The following MAST4 variants were observed in gnomAD, a reference collection of about 807,000 sequenced individuals.
The protein encoded by MAST4 is microtubule-associated serine/threonine-protein kinase 4.
MAST4 carries 89 observed loss-of-function variants against 162.7 expected under a neutral mutation model. The ratio of observed to expected loss-of-function variants is 0.55; its 90% CI spans 0.46 to 0.65. MAST4 has a LOEUF of 0.65. Ranked by LOEUF, MAST4 falls within the 30% of genes least tolerant of loss-of-function variation. MAST4 has a pLI of 0.00. For missense variants in MAST4, 3,153 were observed against 3,374.0 expected (o/e 0.93, Z 1.62); for synonymous variants, 1,479 against 1,361.1 (o/e 1.09, Z -1.91).
intron 4 of MAST4, among the ~76,000 whole-genome samples, chr5:66,904,539 G>A (rs2149991813): frequency 6.6e-6 from 1 of 152,252 alleles, no homozygotes; most frequent in African/African-American, 2.4e-5. Context: ...ATAAGCCGTG[G>A]TGCATTGTTT....
chr5:66,829,905 A>AGAAGTTGG (rs1757487916), intron 3 of MAST4, among the ~76,000 whole-genome samples: 1 of 152,162 alleles, frequency 6.6e-6, no homozygotes, highest in South Asian at 2.1e-4. Context: ...GAGGGATTAG[A>AGAAGTTGG]GAAGTTGGGG....
intron 3 of MAST4, among the ~76,000 whole-genome samples, chr5:66,893,435 C>A (rs1008277434): frequency 2.0e-5 from 3 of 151,522 alleles, no homozygotes; most frequent in Non-Finnish European, 4.4e-5. Flanking sequence ...ACCGTTTTGG[C>A]CAGGCTGGTC....
At chr5:66,758,284 G>A (rs1753665650) in intron 1 of MAST4, among the ~76,000 whole-genome samples, 1 of 151,944 alleles carries the variant, frequency 6.6e-6, no homozygotes, top group African/African-American at 2.4e-5. Context: ...CAGCTAAGCC[G>A]ATGAGGTCTG....
intron 1 of MAST4, among the ~76,000 whole-genome samples, chr5:66,677,688 G>A (rs182108854): frequency 7.2e-5 from 11 of 152,240 alleles, no homozygotes; most frequent in African/African-American, 2.4e-4. Context: ...GAATGTTCCC[G>A]AAGAAGTGAT....
At chr5:67,089,940 T>A (rs937046392) in intron 5 of MAST4, among the ~76,000 whole-genome samples, 4 of 152,176 alleles carry the variant, frequency 2.6e-5, no homozygotes, top group African/African-American at 9.7e-5. Flanking sequence ...TATTCATGTG[T>A]CTTGCACACT....
chr5:66,895,014 C>G (rs1348210517), intron 3 of MAST4, among the ~76,000 whole-genome samples: 1 of 152,176 alleles, frequency 6.6e-6, no homozygotes, highest in Non-Finnish European at 1.5e-5. Context: ...TGAGCTCCCA[C>G]TCAGTGTTCA....
At chr5:66,798,325 A>G (rs144118645) in intron 3 of MAST4, among the ~76,000 whole-genome samples, 2 of 152,316 alleles carry the variant, frequency 1.3e-5, no homozygotes, top group African/African-American at 4.8e-5. Flanking sequence ...AAAGTCTTCA[A>G]TAATGAGTGC....
chr5:66,943,385 A>G (rs1743591782), intron 4 of MAST4, among the ~76,000 whole-genome samples: 1 of 152,126 alleles, frequency 6.6e-6, no homozygotes, highest in Non-Finnish European at 1.5e-5. Flanking sequence ...ACAGGTTATT[A>G]AACAAGGCCC....
At chr5:67,109,404 TG>T (rs1273921774) in intron 10 of MAST4, among the ~76,000 whole-genome samples, 1 of 152,120 alleles carries the variant, frequency 6.6e-6, no homozygotes, top group Non-Finnish European at 1.5e-5. Context: ...GTGTATTAGG[TG>T]TACATGAAAC....
chr5:66,963,689 C>A (rs185914870), intron 4 of MAST4: 1 of 779,552 alleles, frequency 1.3e-6, no homozygotes, highest in Non-Finnish European at 2.4e-6. Context: ...CTTGGAATGA[C>A]GTTATTTTAA....
intron 3 of MAST4, among the ~76,000 whole-genome samples, chr5:66,796,696 G>A (rs1755666873): frequency 1.3e-5 from 2 of 152,194 alleles, no homozygotes; most frequent in African/African-American, 4.8e-5. Flanking sequence ...ACACATATAT[G>A]TACGTAGATC....
chr5:66,775,725 A>G lies in MAST4; in HGVS notation c.518-12945A>G, dbSNP rs890326027. On this transcript the variant is annotated intron_variant, in intron 2 of 28. Transcript: ENST00000403625. ...GGCAGAATGGGCATTAACTTTCCTC[A>G]TAAGGGAGGAGGGAGAGCAGGTTAC... 8.6e-4 allele frequency among the ~76,000 whole-genome samples: 131 copies of G among 152,298 alleles called. 2 individuals are homozygous for G. The highest frequency in any genetic ancestry group is 1.6e-3 in the Admixed American group (25 of 15,304).
At chr5:66,772,909 TC>T (rs976621195) in intron 2 of MAST4, among the ~76,000 whole-genome samples, 61 of 152,276 alleles carry the variant, frequency 4.0e-4, no homozygotes, top group African/African-American at 1.3e-3. Flanking sequence ...TGGGTTTTCT[TC>T]ATTTTCTAGT....
intron 5 of MAST4, among the ~76,000 whole-genome samples, chr5:67,084,937 G>T (rs1023295602): frequency 6.6e-6 from 1 of 152,130 alleles, no homozygotes; most frequent in African/African-American, 2.4e-5. Context: ...AAATGTTTAG[G>T]TAGTCTAAAT....
At chr5:67,144,132 C>T (rs188556722) in intron 21 of MAST4, among the ~76,000 whole-genome samples, 1 of 152,276 alleles carries the variant, frequency 6.6e-6, no homozygotes, top group African/African-American at 2.4e-5. Context: ...GTAAGCGAAA[C>T]AAATACCTCT....
At chr5:66,855,493 T>C (rs1759613617) in intron 3 of MAST4, among the ~76,000 whole-genome samples, 1 of 152,200 alleles carries the variant, frequency 6.6e-6, no homozygotes, top group African/African-American at 2.4e-5. Flanking sequence ...TGGTGTTTGC[T>C]CGCTTCATTT....
chr5:67,092,951 G>C (rs1175231684), intron 6 of MAST4, among the ~76,000 whole-genome samples: 1 of 152,092 alleles, frequency 6.6e-6, no homozygotes, highest in East Asian at 1.9e-4. Context: ...CAGAATTCTG[G>C]AGTAGATTTT....
chr5:66,599,917 G>GT (rs1170663718), intron 1 of MAST4, among the ~76,000 whole-genome samples: 2 of 133,390 alleles, frequency 1.5e-5, no homozygotes, highest in Non-Finnish European at 3.1e-5. Flanking sequence ...ATTTCTAAAG[G>GT]GGTGTGTGTG....
intron 1 of MAST4, among the ~76,000 whole-genome samples, chr5:66,666,191 A>G (rs186797623): frequency 6.6e-6 from 1 of 152,334 alleles, no homozygotes; most frequent in Admixed American, 6.5e-5. Flanking sequence ...GACCACGTTT[A>G]CAAAGGTGCT....
Sources: gnomAD v4.1 joint callset for allele counts (sites outside exome capture counted in the v4.1 genomes callset) on GRCh38, gnomAD v4.1.1 for gene constraint, MANE v1.5 for transcripts, NCBI Gene and HGNC (gene_info 2026-07-23, HGNC 2026-07-21) for gene names.